GPHN: variants seen among roughly 807,000 people sequenced by gnomAD.
GPHN encodes the protein gephyrin.
GPHN carries 17 observed loss-of-function variants against 95.5 expected under a neutral mutation model. The ratio of observed to expected loss-of-function variants is 0.18; its 90% CI spans 0.12 to 0.27. GPHN has a LOEUF of 0.27. GPHN is among the 10% of genes least tolerant of loss of function. GPHN has a pLI of 1.00. For synonymous variants in GPHN, 320 were observed against 322.5 expected, an observed-to-expected ratio of 0.99 and a Z score of 0.08; for missense variants, 660 against 978.1, an observed-to-expected ratio of 0.67 and a Z score of 4.34.
chr14:67,479,530 C>T, the GPHN span, among the ~76,000 whole-genome samples: 2 of 151,558 alleles, frequency 1.3e-5, no homozygotes, highest in African/African-American at 2.4e-5. Context: ...CCAGCCTGGC[C>T]AACATGGTGA....
At chr14:66,519,446 C>T (rs1391432888) in intron 1 of GPHN, among the ~76,000 whole-genome samples, 1 of 151,960 alleles carries the variant, frequency 6.6e-6, no homozygotes, top group African/African-American at 2.4e-5. Flanking sequence ...TCATTAGTCC[C>T]CTACTGTATT....
the GPHN span, among the ~76,000 whole-genome samples, chr14:67,477,917 C>G: frequency 6.6e-6 from 1 of 152,204 alleles, no homozygotes; most frequent in Non-Finnish European, 1.5e-5. Context: ...ACATCCCCAC[C>G]CTAACATGAG....
At chr14:67,526,869 G>C in the GPHN span, among the ~76,000 whole-genome samples, 3 of 152,074 alleles carry the variant, frequency 2.0e-5, no homozygotes, top group Non-Finnish European at 4.4e-5. Context: ...TTACAAAGAG[G>C]GGAGGGCAAA....
At chr14:67,624,550 C>T in the GPHN span, among the ~76,000 whole-genome samples, 8 of 152,066 alleles carry the variant, frequency 5.3e-5, no homozygotes, top group South Asian at 6.2e-4. Flanking sequence ...AGGAAGACAG[C>T]GAAGAGGGAG....
chr14:67,398,697 C>T, the GPHN span, among the ~76,000 whole-genome samples: 2 of 152,206 alleles, frequency 1.3e-5, no homozygotes, highest in African/African-American at 4.8e-5. Flanking sequence ...GCTGGGACTA[C>T]AAGCGTGTGC....
chr14:67,397,633 G>A, the GPHN span: 22 of 1,584,216 alleles, frequency 1.4e-5, no homozygotes, highest in Non-Finnish European at 1.9e-5. Flanking sequence ...GGAACAGAGA[G>A]GAGCTGGACA....
At chr14:67,002,707 C>A (rs995001616) in intron 9 of GPHN, among the ~76,000 whole-genome samples, 1 of 151,324 alleles carries the variant, frequency 6.6e-6, no homozygotes, top group Non-Finnish European at 1.5e-5. Context: ...TTTGGGGTAT[C>A]TTAAGTATTT....
the GPHN span, chr14:67,583,833 C>G: frequency 6.2e-7 from 1 of 1,613,466 alleles, no homozygotes; most frequent in South Asian, 1.1e-5. Context: ...AGGTCCTAGA[C>G]AGGTTCCACC....
intron 2 of GPHN, among the ~76,000 whole-genome samples, chr14:66,748,089 A>G (rs1182811510): frequency 1.3e-5 from 2 of 152,054 alleles, no homozygotes; most frequent in Non-Finnish European, 2.9e-5. Flanking sequence ...ACTTAATATC[A>G]CTGCTCAAGC....
intron 5 of GPHN, among the ~76,000 whole-genome samples, chr14:66,885,262 C>T (rs774842533): frequency 3.9e-5 from 6 of 152,098 alleles, no homozygotes; most frequent in Non-Finnish European, 7.4e-5. Flanking sequence ...GAATCTGTTT[C>T]TCCACCTGGA....
chr14:67,474,917 T>C, the GPHN span, among the ~76,000 whole-genome samples: 1 of 147,410 alleles, frequency 6.8e-6, no homozygotes, highest in East Asian at 2.0e-4. Context: ...TTTCCTTCTT[T>C]TTTTTTTTTT....
At chr14:67,458,521 T>C in the GPHN span, among the ~76,000 whole-genome samples, 1 of 152,104 alleles carries the variant, frequency 6.6e-6, no homozygotes, top group Non-Finnish European at 1.5e-5. Context: ...TTTGTCAGGA[T>C]CTCGACTGAT....
the GPHN span, among the ~76,000 whole-genome samples, chr14:67,423,625 C>T: frequency 5.3e-5 from 8 of 152,102 alleles, no homozygotes; most frequent in Non-Finnish European, 7.4e-5. Context: ...GAGAGGGTTG[C>T]GGCAAACCTT....
At chr14:66,546,766 G>A in intron 1 of GPHN, among the ~76,000 whole-genome samples, 1 of 145,008 alleles carries the variant, frequency 6.9e-6, no homozygotes, top group South Asian at 2.4e-4. Flanking sequence ...ACCGTGGAAA[G>A]AGAGGGAGAG....
chr14:67,619,616 T>C, the GPHN span, among the ~76,000 whole-genome samples: 1 of 152,256 alleles, frequency 6.6e-6, no homozygotes. Flanking sequence ...GAACCTGGCA[T>C]GGGCCGGCCG....
chr14:66,687,268 A>G (rs2067435486), intron 2 of GPHN, among the ~76,000 whole-genome samples: 1 of 152,030 alleles, frequency 6.6e-6, no homozygotes, highest in African/African-American at 2.4e-5. Context: ...GACCTAATAG[A>G]CATCTACAGA....
the GPHN span, among the ~76,000 whole-genome samples, chr14:67,695,437 A>G: frequency 1.3e-5 from 2 of 152,090 alleles, no homozygotes; most frequent in Admixed American, 1.3e-4. Flanking sequence ...GCCCTTTCTC[A>G]CCGCCTGGGG....
the GPHN span, among the ~76,000 whole-genome samples, chr14:67,621,677 T>C: frequency 1.9e-4 from 28 of 151,284 alleles, no homozygotes; most frequent in Middle Eastern, 6.8e-3. Flanking sequence ...ACTCCTGACC[T>C]CAGGTGATCC....
At chr14:67,627,281 A>C in the GPHN span, among the ~76,000 whole-genome samples, 1 of 146,356 alleles carries the variant, frequency 6.8e-6, no homozygotes, top group Non-Finnish European at 1.5e-5. Flanking sequence ...ATATATATAT[A>C]TCTGAAACTT....
Sources: gnomAD v4.1 joint callset for allele counts (sites outside exome capture counted in the v4.1 genomes callset) on GRCh38, gnomAD v4.1.1 for gene constraint, MANE v1.5 for transcripts, NCBI Gene and HGNC (gene_info 2026-07-23, HGNC 2026-07-21) for gene names.